LEF1: variants seen among roughly 807,000 people sequenced by gnomAD.
LEF1 encodes lymphoid enhancer binding factor 1.
LEF1 carries 14 observed loss-of-function variants against 51.2 expected under a neutral mutation model. The ratio of observed to expected loss-of-function variants is 0.27; its 90% CI spans 0.18 to 0.43. LEF1 has a LOEUF of 0.43. Ranked by LOEUF, LEF1 falls within the 20% of genes least tolerant of loss-of-function variation. LEF1 has a pLI of 1.00. For synonymous variants in LEF1, 185 were observed against 183.2 expected, an observed-to-expected ratio of 1.01 and a Z score of -0.08; for missense variants, 386 against 512.0, an observed-to-expected ratio of 0.75 and a Z score of 2.37.
chr4:108,110,619 C>T (rs1431894447), intron 3 of LEF1, among the ~76,000 whole-genome samples: 3 of 152,176 alleles, frequency 2.0e-5, no homozygotes, highest in African/African-American at 7.2e-5. Flanking sequence ...TGCCCCACCC[C>T]CTGCAATGGG....
At chr4:108,058,817 G>A (rs192187574) in intron 11 of LEF1, among the ~76,000 whole-genome samples, 2 of 152,168 alleles carry the variant, frequency 1.3e-5, no homozygotes, top group African/African-American at 2.4e-5. Context: ...AACAGGATTC[G>A]TGACTTACAG....
chr4:108,129,780 T>C (rs1483994052), intron 3 of LEF1, among the ~76,000 whole-genome samples: 1 of 152,236 alleles, frequency 6.6e-6, no homozygotes, highest in Non-Finnish European at 1.5e-5. Context: ...GCTTAGTTTA[T>C]GTTAGTAAAA....
intron 3 of LEF1, among the ~76,000 whole-genome samples, chr4:108,145,511 C>T (rs1216200401): frequency 6.6e-6 from 1 of 152,182 alleles, no homozygotes; most frequent in African/African-American, 2.4e-5. Flanking sequence ...TAAAATAAAT[C>T]TCACCATGGA....
intron 3 of LEF1, among the ~76,000 whole-genome samples, chr4:108,136,482 T>A (rs924603184): frequency 1.0e-4 from 14 of 137,664 alleles, no homozygotes; most frequent in East Asian, 2.3e-4. Flanking sequence ...TTTTTTTTTT[T>A]AAACTTTAGA....
chr4:108,167,500 T>C lies in LEF1; in HGVS notation c.213+55A>G. The C allele has an allele frequency of 6.3e-7, 1 of 1,581,986 alleles. No homozygotes were observed. The highest frequency in any genetic ancestry group is 8.7e-7 in the Non-Finnish European group (1 of 1,156,068). The stretch of plus-strand genomic sequence containing the variant: ...CGCCTTCGTTCCCTTCCTCCCTCTC[T>C]GAGTTTCCCAGGGACCCGCCACGCC... On this transcript the variant is annotated intron_variant, in intron 1 of 11. Coordinates refer to ENST00000265165, the MANE Select transcript of LEF1 (RefSeq NM_016269.5). The surrounding 1 kb of genome is among the most constrained non-coding windows in gnomAD (Gnocchi z 5.7).
chr4:108,103,625 C>T (rs1440224452), intron 3 of LEF1, among the ~76,000 whole-genome samples: 1 of 152,178 alleles, frequency 6.6e-6, no homozygotes, highest in Admixed American at 6.5e-5. Context: ...TGTGGGAATT[C>T]ATTTTCTCCA....
At chr4:108,111,649 C>T (rs113512249) in intron 3 of LEF1, among the ~76,000 whole-genome samples, 12 of 152,194 alleles carry the variant, frequency 7.9e-5, no homozygotes, top group African/African-American at 2.4e-4. Context: ...TGGTGGCTCA[C>T]GCCTGTAATC....
intron 8 of LEF1, chr4:108,071,035 T>A (rs1273977523): frequency 3.3e-6 from 1 of 307,560 alleles, no homozygotes; most frequent in African/African-American, 2.1e-5. Flanking sequence ...AGTAAAATGA[T>A]CTCTGTCACC....
At chr4:108,097,197 T>C (rs1459621868) in intron 3 of LEF1, among the ~76,000 whole-genome samples, 6 of 152,202 alleles carry the variant, frequency 3.9e-5, no homozygotes, top group African/African-American at 1.4e-4. Flanking sequence ...TCAGTGTCCA[T>C]TAATGGATGA....
At chr4:108,049,605 T>C (rs1412637763) in intron 11 of LEF1, among the ~76,000 whole-genome samples, 3 of 152,236 alleles carry the variant, frequency 2.0e-5, no homozygotes, top group Non-Finnish European at 4.4e-5. Context: ...TGCTTTCCTT[T>C]GGTGGCAGCG....
At chr4:108,056,725 G>A (rs956939454) in intron 11 of LEF1, among the ~76,000 whole-genome samples, 3 of 152,092 alleles carry the variant, frequency 2.0e-5, no homozygotes, top group African/African-American at 7.2e-5. Context: ...ACCTCAGACT[G>A]GAGCATTCCC....
chr4:108,147,039 G>T (rs1328874051), intron 3 of LEF1, among the ~76,000 whole-genome samples: 1 of 152,112 alleles, frequency 6.6e-6, no homozygotes, highest in Admixed American at 6.5e-5. Flanking sequence ...AGTGCAGGAG[G>T]AGCACTTGAG....
intron 3 of LEF1, among the ~76,000 whole-genome samples, chr4:108,103,256 T>G (rs905333749): frequency 1.3e-5 from 2 of 152,256 alleles, no homozygotes; most frequent in African/African-American, 4.8e-5. Context: ...AATGTTTATG[T>G]AATATCATGT....
rs751218115 is a variant in LEF1 at position 108,078,482 on chromosome 4, C to G, written c.846-100G>C. 7 of 1,486,042 alleles carry G rather than the reference C, an allele frequency of 4.7e-6. No individual in the cohort carries two copies. In the Admixed American group the frequency reaches 1.2e-4, roughly 25 times the overall value. 92.1% of individuals were successfully genotyped at this position (1,486,042 alleles called of 1,614,324 possible). On this transcript the variant is annotated intron_variant, in intron 7 of 11. Coordinates refer to ENST00000265165, the MANE Select transcript of LEF1 (RefSeq NM_016269.5). The stretch of plus-strand genomic sequence containing the variant: ...GAGCACCTGCTCACATGGCTACACT[C>G]AGGATGGCGACAACCCTCTCACCCC...
chr4:108,149,078 T>G (rs1372666014), intron 3 of LEF1, among the ~76,000 whole-genome samples: 3 of 152,208 alleles, frequency 2.0e-5, no homozygotes, highest in African/African-American at 7.2e-5. Flanking sequence ...AACCATTATT[T>G]CATGAATAGT....
At chr4:108,099,110 T>C (rs1578340809) in intron 3 of LEF1, among the ~76,000 whole-genome samples, 1 of 152,330 alleles carries the variant, frequency 6.6e-6, no homozygotes, top group Non-Finnish European at 1.5e-5. Flanking sequence ...TCAGTATGTT[T>C]ATATTGATTA....
intron 3 of LEF1, among the ~76,000 whole-genome samples, chr4:108,128,343 A>G (rs1742672364): frequency 6.6e-6 from 1 of 152,150 alleles, no homozygotes; most frequent in East Asian, 1.9e-4. Context: ...CAAAAAGATG[A>G]ACAAAGTGGA....
chr4:108,128,463 G>A (rs1560810287), intron 3 of LEF1, among the ~76,000 whole-genome samples: 1 of 150,302 alleles, frequency 6.7e-6, no homozygotes. Context: ...AGAAAAACAA[G>A]GTGGGATTAA....
intron 3 of LEF1, among the ~76,000 whole-genome samples, chr4:108,113,342 G>A (rs1307520821): frequency 1.3e-5 from 2 of 152,158 alleles, no homozygotes; most frequent in Non-Finnish European, 2.9e-5. Context: ...GAGTTTGGGT[G>A]GGGGAAGTGC....
Sources: gnomAD v4.1 joint callset for allele counts (sites outside exome capture counted in the v4.1 genomes callset) on GRCh38, gnomAD v4.1.1 for gene constraint, Gnocchi (gnomAD v3.1) non-coding constraint, MANE v1.5 for transcripts, NCBI Gene and HGNC (gene_info 2026-07-23, HGNC 2026-07-21) for gene names.